LRRC7: variants seen among roughly 807,000 people sequenced by gnomAD.
The protein encoded by LRRC7 is leucine rich repeat containing 7.
LRRC7 carries 23 observed loss-of-function variants against 175.7 expected under a neutral mutation model. The observed-to-expected ratio is 0.13, with a 90% CI of 0.09 to 0.19. The LOEUF is 0.19. LRRC7 is among the 10% of genes least tolerant of loss of function. The pLI, the probability that LRRC7 is intolerant of heterozygous loss-of-function variation, is 1.00. For missense variants in LRRC7, 1,354 were observed against 1,904.7 expected (o/e 0.71, Z 5.38); for synonymous variants, 685 against 680.9 (o/e 1.01, Z -0.09).
chr1:69,778,303 G>A (rs1673046388), intron 3 of LRRC7, among the ~76,000 whole-genome samples: 1 of 152,120 alleles, frequency 6.6e-6, no homozygotes, highest in South Asian at 2.1e-4. Flanking sequence ...CTGTTCCAGG[G>A]AAACAAAGGT....
chr1:69,856,829 A>C (rs1163528923), intron 7 of LRRC7, among the ~76,000 whole-genome samples: 1 of 152,206 alleles, frequency 6.6e-6, no homozygotes, highest in East Asian at 1.9e-4. Context: ...ATTGTAGACC[A>C]ATATCCCTGA....
intron 7 of LRRC7, among the ~76,000 whole-genome samples, chr1:69,857,661 A>G (rs1468740328): frequency 1.3e-5 from 2 of 151,014 alleles, no homozygotes; most frequent in African/African-American, 2.5e-5. Flanking sequence ...GGAAGAATCA[A>G]TATCGTAAAA....
chr1:69,688,007 G>A (rs1429684417), intron 2 of LRRC7, among the ~76,000 whole-genome samples: 1 of 152,170 alleles, frequency 6.6e-6, no homozygotes, highest in East Asian at 1.9e-4. Context: ...GTTGTCAGCT[G>A]TTACTTTTGC....
At chr1:69,743,460 T>C (rs185097615) in intron 2 of LRRC7, among the ~76,000 whole-genome samples, 2 of 152,094 alleles carry the variant, frequency 1.3e-5, no homozygotes, top group Admixed American at 1.3e-4. Context: ...CAGGAAGAAG[T>C]TGACCATATA....
rs1263457824 is a variant in LRRC7 at position 70,132,437 on chromosome 1, TTTTTC to T, written c.*10570_*10574del. The T allele has an allele frequency of 5.3e-5, 6 of 113,924 alleles. No individual in the cohort carries two copies. Among genetic ancestry groups the T allele is most frequent in the African/African-American group, 1.1e-4 (3 of 26,502 alleles). 7.1% of individuals were successfully genotyped at this position (113,924 alleles called of 1,614,324 possible). A position where few individuals can be genotyped will look rare whatever the true frequency, so the allele number is the denominator to read the frequency against. On this transcript the variant is annotated 3_prime_UTR_variant, in exon 27 of 27. Coordinates refer to ENST00000651989, the MANE Select transcript of LRRC7 (RefSeq NM_001370785.2). Reference sequence around the variant, plus strand: ...TTAAAAATTACCAGAGTACTTTTCTTTTTTCTTTTCTTTTCTTTTCTTTTTTTTTT... The same window carrying T: ...TTAAAAATTACCAGAGTACTTTTCTTTTTTCTTTTCTTTTCTTTTTTTTTT...
At chr1:69,700,583 G>A (rs190925799) in intron 2 of LRRC7, among the ~76,000 whole-genome samples, 49 of 152,232 alleles carry the variant, frequency 3.2e-4, no homozygotes, top group African/African-American at 7.0e-4. Context: ...GGCTGGCTTC[G>A]CTATTTTATA....
chr1:69,780,041 T>A (rs565015616), intron 3 of LRRC7, among the ~76,000 whole-genome samples: 2 of 152,330 alleles, frequency 1.3e-5, no homozygotes, highest in East Asian at 3.9e-4. Context: ...CTACTAACAG[T>A]GCTTTCATGA....
At chr1:69,980,259 C>T in intron 8 of LRRC7, 120 bp from the exon 9 acceptor site, 3 of 856,694 alleles carry the variant, frequency 3.5e-6, no homozygotes, top group Middle Eastern at 4.4e-4. Flanking sequence ...TTCTTAGATG[C>T]TTAACACTAG....
intron 2 of LRRC7, among the ~76,000 whole-genome samples, chr1:69,685,337 T>C (rs1424277469): frequency 6.6e-6 from 1 of 150,688 alleles, no homozygotes; most frequent in Non-Finnish European, 1.5e-5. Context: ...CTGTAACCCA[T>C]CATACCATGA....
chr1:70,090,811 C>T (rs1421551484), intron 25 of LRRC7, among the ~76,000 whole-genome samples: 2 of 152,072 alleles, frequency 1.3e-5, no homozygotes, highest in Admixed American at 6.6e-5. Context: ...ATTATGAGAC[C>T]TACTTCTGAA....
intron 5 of LRRC7, among the ~76,000 whole-genome samples, chr1:69,829,919 T>C (rs992634903): frequency 2.0e-5 from 3 of 151,776 alleles, no homozygotes; most frequent in Admixed American, 6.6e-5. Context: ...TCAGGCCCTT[T>C]TCTCTATTAG....
chr1:69,815,614 A>T (rs187456109), intron 4 of LRRC7, among the ~76,000 whole-genome samples: 45 of 152,330 alleles, frequency 3.0e-4, no homozygotes, highest in Admixed American at 2.8e-3. Context: ...ACAGCCATTC[A>T]CTTATCAAAA....
chr1:70,142,458 C>CAGAT lies in LRRC7; in HGVS notation c.*20573_*20576dup, dbSNP rs1439791692. 2 of 152,052 alleles carry CAGAT rather than the reference C, an allele frequency of 1.3e-5. No individual in the cohort carries two copies. Among genetic ancestry groups the CAGAT allele is most frequent in the African/African-American group, 2.4e-5 (1 of 41,412 alleles). The allele number at this position is 152,052 out of a possible 1,614,324, so 9.4% of individuals were successfully genotyped here. On this transcript the variant is annotated 3_prime_UTR_variant, in exon 27 of 27. Transcript: ENST00000651989. Reference sequence around the variant, plus strand: ...TTGAAATGAAGAGAAAGGTAATTGACAGATAAACAGATAGTTTTTGTTTGA... The same window carrying CAGAT: ...TTGAAATGAAGAGAAAGGTAATTGACAGATAGATAAACAGATAGTTTTTGTTTGA...
intron 24 of LRRC7, among the ~76,000 whole-genome samples, chr1:70,087,520 C>T (rs1663705377): frequency 6.6e-6 from 1 of 152,098 alleles, no homozygotes; most frequent in Admixed American, 6.6e-5. Context: ...AAGAGATCAA[C>T]TAGCACACTG....
intron 8 of LRRC7, among the ~76,000 whole-genome samples, chr1:69,961,057 T>A (rs974743444): frequency 8.5e-5 from 13 of 152,170 alleles, no homozygotes; most frequent in African/African-American, 3.1e-4. Flanking sequence ...TGTTTGCAGA[T>A]GACATGATCC....
intron 11 of LRRC7, among the ~76,000 whole-genome samples, chr1:69,996,889 T>C (rs1302979916): frequency 7.9e-5 from 12 of 152,174 alleles, no homozygotes; most frequent in Non-Finnish European, 1.8e-4. Context: ...CGGGCTCTTT[T>C]TTGGTTCCAT....
chr1:69,860,042 C>T (rs1684189677), intron 7 of LRRC7, among the ~76,000 whole-genome samples: 1 of 151,954 alleles, frequency 6.6e-6, no homozygotes, highest in African/African-American at 2.4e-5. Context: ...AAATTTAATT[C>T]ACCATTCTAT....
intron 23 of LRRC7, among the ~76,000 whole-genome samples, chr1:70,071,104 G>C (rs1314901990): frequency 6.6e-6 from 1 of 152,204 alleles, no homozygotes; most frequent in African/African-American, 2.4e-5. Context: ...TTCAGCTGTA[G>C]TGGAGGAGTT....
chr1:69,955,866 CAAAT>C (rs1447121544), intron 8 of LRRC7, among the ~76,000 whole-genome samples: 1 of 151,796 alleles, frequency 6.6e-6, no homozygotes, highest in Non-Finnish European at 1.5e-5. Context: ...AATTAGCCCT[CAAAT>C]GAGGGTTAAT....
Sources: allele counts gnomAD v4.1 joint callset (sites outside exome capture counted in the v4.1 genomes callset), GRCh38; gene constraint gnomAD v4.1.1; transcripts MANE v1.5; gene names NCBI Gene and HGNC (gene_info 2026-07-23, HGNC 2026-07-21).